Variants in CA13 observed in about 807,000 individuals in gnomAD.
CA13 encodes CA-XIII.
Under a neutral mutation model 31.5 loss-of-function variants are expected in CA13, and 21 were observed. The ratio of observed to expected loss-of-function variants is 0.67; its 90% CI spans 0.47 to 0.96. The LOEUF is 0.96. CA13 is among the 40% of genes least tolerant of loss of function. CA13 has a pLI of 0.00. For synonymous variants in CA13, 117 were observed against 111.4 expected, an observed-to-expected ratio of 1.05 and a Z score of -0.32; for missense variants, 315 against 318.9, an observed-to-expected ratio of 0.99 and a Z score of 0.09.
chr8:85,245,799 A>G lies in CA13; in HGVS notation c.-30A>G. 5 of 1,613,380 alleles carry G rather than the reference A, an allele frequency of 3.1e-6. No homozygotes were observed. The highest frequency in any genetic ancestry group is 2.2e-5 in the East Asian group (1 of 44,848). On this transcript the variant is annotated 5_prime_UTR_variant, in exon 1 of 7. Transcript: ENST00000321764. ...CTCCTCTTTCTCGCTGCTCAGTCAC[A>G]TCTTTCTCTTCCTTCCACCCCGAGG...
chr8:85,266,331 C>G (rs1019684400), intron 3 of CA13, among the ~76,000 whole-genome samples: 4 of 152,204 alleles, frequency 2.6e-5, no homozygotes, highest in East Asian at 3.8e-4. Flanking sequence ...GCTGGGACTA[C>G]AGTCATGTAC....
intron 2 of CA13, among the ~76,000 whole-genome samples, chr8:85,256,560 TAAAACA>T (rs1230435388): frequency 6.6e-6 from 1 of 152,122 alleles, no homozygotes. Flanking sequence ...TATATATTCT[TAAAACA>T]AAAACAAAAA....
rs191850982 is a variant in CA13, at chr8:85,276,794, C to G, written c.670-4436C>G. On this transcript the variant is annotated intron_variant, in intron 6 of 6. Coordinates refer to ENST00000321764, the MANE Select transcript of CA13 (RefSeq NM_198584.3). ...GCTCAGGGTTTGTGAATGCACCAGT[C>G]GACACTCTGTATCTAGCTACTCTGG... is the stretch of plus-strand genomic sequence containing the variant. Among the ~76,000 whole-genome samples the G allele has an allele frequency of 3.1e-3, 451 of 145,774 alleles. 5 individuals carry two copies. Among genetic ancestry groups the G allele is most frequent in the Admixed American group, 0.019 (288 of 14,774 alleles).
chr8:85,271,426 A>C (rs1807524237), intron 6 of CA13, among the ~76,000 whole-genome samples: 1 of 152,198 alleles, frequency 6.6e-6, no homozygotes, highest in African/African-American at 2.4e-5. Context: ...TCTTGATTTA[A>C]GTCCATTTTT....
intron 4 of CA13, chr8:85,267,488 T>A (rs1807474156): frequency 5.5e-6 from 1 of 183,140 alleles, no homozygotes; most frequent in Admixed American, 6.5e-5. Flanking sequence ...AAGTGTGAGA[T>A]GTTTGCATCT....
At chr8:85,253,231 C>G (rs566820391) in intron 2 of CA13, among the ~76,000 whole-genome samples, 2 of 151,878 alleles carry the variant, frequency 1.3e-5, no homozygotes, top group Non-Finnish European at 2.9e-5. Flanking sequence ...AGGCGTGAGC[C>G]ACTGCGCCCA....
intron 3 of CA13, among the ~76,000 whole-genome samples, chr8:85,260,869 A>G (rs774585017): frequency 6.6e-6 from 1 of 152,162 alleles, no homozygotes; most frequent in Non-Finnish European, 1.5e-5. Flanking sequence ...CTGGTCTCTC[A>G]TTTTCCTTAC....
intron 2 of CA13, 64 bp downstream of exon 2, chr8:85,251,001 CTTTTTTTT>C (rs34303043): frequency 9.1e-6 from 7 of 772,866 alleles, no homozygotes; most frequent in Admixed American, 2.9e-5. Flanking sequence ...AGACTATACT[CTTTTTTTT>C]TTTTTTTTTT....
chr8:85,250,859 G>T lies in CA13; in HGVS notation c.157G>T (p.Asp53Tyr). 1 of 1,614,068 alleles carries T rather than the reference G, an allele frequency of 6.2e-7. No homozygotes were observed. Among genetic ancestry groups the T allele is most frequent in the South Asian group, 1.1e-5 (1 of 91,064 alleles). The change falls in exon 2 of 7, where the codon GAC (aspartate) becomes TAC (tyrosine). Residue 53 changes from aspartate to tyrosine, a missense_variant. Asp to Tyr is a radical substitution (Grantham distance 160, BLOSUM62 -3). Coordinates refer to ENST00000321764, the MANE Select transcript of CA13 (RefSeq NM_198584.3). ...SSLRPLSIKYDPSSAKIISNS... is the reference protein window; with the variant it reads ...SSLRPLSIKYYPSSAKIISNS... ...CCTCCGACCACTTAGTATCAAGTAT[G>T]ACCCAAGCTCAGCTAAAATCATCAG...
chr8:85,268,109 C>T (rs918255595), intron 5 of CA13, 145 bp downstream of exon 5: 1 of 569,842 alleles, frequency 1.8e-6, no homozygotes, highest in Non-Finnish European at 3.1e-6. Flanking sequence ...CCTATTACCA[C>T]TTATCTTTTG....
intron 6 of CA13, among the ~76,000 whole-genome samples, chr8:85,269,509 A>G (rs1807499189): frequency 6.6e-6 from 1 of 152,166 alleles, no homozygotes; most frequent in African/African-American, 2.4e-5. Flanking sequence ...AGAAGAGGAA[A>G]GAGAGAGAAA....
At chr8:85,267,058 C>T (rs1443125075) in intron 4 of CA13, among the ~76,000 whole-genome samples, 1 of 152,222 alleles carries the variant, frequency 6.6e-6, no homozygotes, top group Non-Finnish European at 1.5e-5. Context: ...ACACTGGTCT[C>T]ACCACAATGA....
At chr8:85,255,941 A>C (rs1428290729) in intron 2 of CA13, among the ~76,000 whole-genome samples, 1 of 152,038 alleles carries the variant, frequency 6.6e-6, no homozygotes, top group Non-Finnish European at 1.5e-5. Context: ...CATTTAGCTA[A>C]AGCTCTCTAT....
chr8:85,268,762 G>A (rs956582432), intron 6 of CA13, 135 bp downstream of exon 6: 5 of 714,344 alleles, frequency 7.0e-6, no homozygotes, highest in Non-Finnish European at 6.7e-6. Context: ...ACGGGTCGTT[G>A]GGCTAGATGA....
rs565196451 is a variant in CA13, at chr8:85,245,692, C to T, written c.-137C>T. On this transcript the variant is annotated 5_prime_UTR_variant, in exon 1 of 7. Transcript: ENST00000321764. ...GGACGCAGGCGGGAGCGCCCCGGAC[C>T]GGGTTCACGGTCTCGCACTCCTGCC... is the stretch of plus-strand genomic sequence containing the variant. The T allele has an allele frequency of 5.4e-5, 52 of 970,428 alleles. No homozygotes were observed. The highest frequency in any genetic ancestry group is 4.9e-4 in the South Asian group (34 of 69,708). 60.1% of individuals were successfully genotyped at this position (970,428 alleles called of 1,614,324 possible). A position where few individuals can be genotyped will look rare whatever the true frequency, so the allele number is the denominator to read the frequency against.
At chr8:85,272,690 AT>A (rs1173718483) in intron 6 of CA13, among the ~76,000 whole-genome samples, 4 of 152,218 alleles carry the variant, frequency 2.6e-5, no homozygotes, top group Non-Finnish European at 1.5e-5. Flanking sequence ...AGCAATCCAT[AT>A]ATGGATATTA....
chr8:85,268,678 T>A, intron 6 of CA13, 51 bp downstream of exon 6: 3 of 21,834 alleles, frequency 1.4e-4, no homozygotes, highest in Non-Finnish European at 2.2e-4. Flanking sequence ...GAAACTGGGC[T>A]TTTTTTTTTT....
intron 2 of CA13, among the ~76,000 whole-genome samples, chr8:85,254,432 T>TTCTC (rs1325664348): frequency 1.3e-5 from 2 of 151,794 alleles, no homozygotes; most frequent in African/African-American, 4.8e-5. Flanking sequence ...GAACCCAGGT[T>TTCTC]TCTCTCTCTC....
rs369305266 is a variant in CA13, at chr8:85,262,714, G to C, written c.354+3175G>C. Among the ~76,000 whole-genome samples, 18 of 152,274 alleles carry C rather than the reference G, an allele frequency of 1.2e-4. No homozygotes were observed. In the East Asian group the frequency reaches 3.1e-3, roughly 26 times the overall value. On this transcript the variant is annotated intron_variant, in intron 3 of 6. Coordinates refer to ENST00000321764, the MANE Select transcript of CA13 (RefSeq NM_198584.3). Reference sequence around the variant, plus strand: ...TTGAGAATAGATTGGATGGAAGCAGGAGTGGCTAAGGGGAGCTTTGGAGGA... The same window carrying C: ...TTGAGAATAGATTGGATGGAAGCAGCAGTGGCTAAGGGGAGCTTTGGAGGA...
Sources: allele counts gnomAD v4.1 joint callset (sites outside exome capture counted in the v4.1 genomes callset), GRCh38; gene constraint gnomAD v4.1.1; transcripts MANE v1.5; gene names NCBI Gene and HGNC (gene_info 2026-07-23, HGNC 2026-07-21).